The following FARS2 variants were observed in gnomAD, a reference collection of about 807,000 sequenced individuals.
The protein encoded by FARS2 is phenylalanyl-tRNA synthetase 2, mitochondrial, also known as phenylalanine--tRNA ligase, mitochondrial.
FARS2 carries 40 observed loss-of-function variants against 46.4 expected under a neutral mutation model. That is an observed-to-expected ratio of 0.86 (90% confidence interval 0.67 to 1.12). The LOEUF (loss-of-function observed/expected upper bound fraction) is 1.12, where lower values mean the gene tolerates loss of function less well. Among genes scored for constraint, FARS2 ranks in the 50% most tolerant of loss-of-function variants. The pLI is 0.00. For synonymous variants in FARS2, 234 were observed against 214.9 expected, an observed-to-expected ratio of 1.09 and a Z score of -0.78; for missense variants, 513 against 567.9, an observed-to-expected ratio of 0.90 and a Z score of 0.98.
chr6:5,707,061 CACTT>C (rs113098178), intron 6 of FARS2, among the ~76,000 whole-genome samples: 3 of 152,332 alleles, frequency 2.0e-5, no homozygotes, highest in African/African-American at 7.2e-5. Flanking sequence ...TGCTCTCACT[CACTT>C]CTATTCTTCC....
intron 1 of FARS2, among the ~76,000 whole-genome samples, chr6:5,262,582 A>G (rs995057948): frequency 1.3e-5 from 2 of 152,040 alleles, no homozygotes; most frequent in African/African-American, 2.4e-5. Flanking sequence ...CCCAGCCTCT[A>G]TTTTCAGGAA....
chr6:5,523,319 T>C (rs946185253), intron 4 of FARS2, among the ~76,000 whole-genome samples: 2 of 151,944 alleles, frequency 1.3e-5, no homozygotes, highest in Non-Finnish European at 2.9e-5. Flanking sequence ...AAGGGTCAGG[T>C]AGGGAGAAGA....
At chr6:5,449,443 G>T (rs1371892033) in intron 4 of FARS2, among the ~76,000 whole-genome samples, 2 of 151,102 alleles carry the variant, frequency 1.3e-5, no homozygotes, top group East Asian at 3.9e-4. Flanking sequence ...TATAAAGAAA[G>T]AAGAGAAAGG....
intron 1 of FARS2, among the ~76,000 whole-genome samples, chr6:5,304,799 A>G (rs922812870): frequency 2.0e-5 from 3 of 152,328 alleles, no homozygotes; most frequent in Admixed American, 6.5e-5. Flanking sequence ...TGTGCTTGAT[A>G]TGGATTAAAG....
chr6:5,660,659 A>C (rs959675832), intron 6 of FARS2, among the ~76,000 whole-genome samples: 1 of 151,674 alleles, frequency 6.6e-6, no homozygotes, highest in Non-Finnish European at 1.5e-5. Context: ...AGAAAAAAAA[A>C]AAAAAAAAAA....
intron 4 of FARS2, among the ~76,000 whole-genome samples, chr6:5,503,431 G>T (rs1273943010): frequency 1.4e-5 from 2 of 143,834 alleles, no homozygotes. Context: ...GAGAGAGAGA[G>T]AGATAACTGT....
intron 4 of FARS2, among the ~76,000 whole-genome samples, chr6:5,491,085 A>C (rs1342138447): frequency 6.6e-6 from 1 of 152,214 alleles, no homozygotes; most frequent in Non-Finnish European, 1.5e-5. Context: ...CCATACCCTC[A>C]GCAACATTTT....
At position 5,596,410 on chromosome 6, in the gene FARS2, A is replaced by G. The variant is rs1467037672; in HGVS notation, c.1066-16759A>G. Among the ~76,000 whole-genome samples, 39 of 152,010 alleles carry G rather than the reference A, an allele frequency of 2.6e-4. 1 individual carries two copies. Among genetic ancestry groups the G allele is most frequent in the Admixed American group, 2.6e-3 (39 of 15,266 alleles). ...GAGAATGGGTAAGTGAAAGTTGAAA[A>G]CCTTTTTGTCATATGTAGGTACCAG... is the stretch of plus-strand genomic sequence containing the variant. On this transcript the variant is annotated intron_variant, in intron 5 of 6. Transcript: ENST00000274680.
chr6:5,758,915 C>G (rs927802381), intron 6 of FARS2, among the ~76,000 whole-genome samples: 3 of 151,858 alleles, frequency 2.0e-5, no homozygotes, highest in Admixed American at 2.0e-4. Context: ...TTGAGCTGTG[C>G]CACATACAGT....
At chr6:5,527,279 C>G (rs1377455960) in intron 4 of FARS2, among the ~76,000 whole-genome samples, 1 of 152,246 alleles carries the variant, frequency 6.6e-6, no homozygotes, top group African/African-American at 2.4e-5. Flanking sequence ...TGCGTTGACC[C>G]TGCCGTCCAA....
At chr6:5,435,222 C>G (rs1055648436) in intron 4 of FARS2, among the ~76,000 whole-genome samples, 1 of 152,146 alleles carries the variant, frequency 6.6e-6, no homozygotes, top group Non-Finnish European at 1.5e-5. Context: ...TTCTGCCTAA[C>G]GTAGAATGAA....
intron 5 of FARS2, among the ~76,000 whole-genome samples, chr6:5,611,082 G>A (rs1242106310): frequency 6.6e-6 from 1 of 151,938 alleles, no homozygotes; most frequent in Non-Finnish European, 1.5e-5. Flanking sequence ...AGACAGAGAT[G>A]CACACCCCAC....
chr6:5,264,151 G>A (rs1270245520), intron 1 of FARS2, among the ~76,000 whole-genome samples: 1 of 152,188 alleles, frequency 6.6e-6, no homozygotes, highest in African/African-American at 2.4e-5. Flanking sequence ...GGAGGCTGAG[G>A]TGGGAGGATT....
chr6:5,654,276 G>A (rs1158271394), intron 6 of FARS2, among the ~76,000 whole-genome samples: 1 of 152,166 alleles, frequency 6.6e-6, no homozygotes, highest in African/African-American at 2.4e-5. Context: ...CCACATCCAT[G>A]GGTTTCCTCC....
intron 6 of FARS2, among the ~76,000 whole-genome samples, chr6:5,712,792 C>T (rs1759262314): frequency 1.3e-5 from 2 of 152,258 alleles, no homozygotes; most frequent in Admixed American, 6.5e-5. Context: ...CTCCTGCACT[C>T]ACACTGCCAA....
At chr6:5,739,353 TAAAA>T (rs1017896123) in intron 6 of FARS2, among the ~76,000 whole-genome samples, 1 of 150,566 alleles carries the variant, frequency 6.6e-6, no homozygotes, top group African/African-American at 2.4e-5. Flanking sequence ...AAATTGTAAT[TAAAA>T]AAAGATCAAG....
At chr6:5,281,366 A>G (rs528577255) in intron 1 of FARS2, among the ~76,000 whole-genome samples, 3 of 152,340 alleles carry the variant, frequency 2.0e-5, no homozygotes, top group African/African-American at 7.2e-5. Flanking sequence ...TCTTTAAATT[A>G]GAAATGAAAA....
chr6:5,714,240 C>A (rs1429792371), intron 6 of FARS2, among the ~76,000 whole-genome samples: 1 of 152,102 alleles, frequency 6.6e-6, no homozygotes, highest in Non-Finnish European at 1.5e-5. Context: ...GAGTGAGGAC[C>A]CAGGCAGAAG....
chr6:5,387,281 G>A (rs1262612502), intron 2 of FARS2, among the ~76,000 whole-genome samples: 2 of 152,206 alleles, frequency 1.3e-5, no homozygotes, highest in Admixed American at 1.3e-4. Flanking sequence ...TCCAAGACGC[G>A]AGGAGATGGA....
Sources: allele counts gnomAD v4.1 joint callset (sites outside exome capture counted in the v4.1 genomes callset), GRCh38; gene constraint gnomAD v4.1.1; transcripts MANE v1.5; gene names NCBI Gene and HGNC (gene_info 2026-07-23, HGNC 2026-07-21).